NDST4: variants seen among roughly 807,000 people sequenced by gnomAD.
NDST4 encodes the protein N-heparan sulfate sulfotransferase 4.
A neutral mutation model predicts 100.8 loss-of-function variants in NDST4; 63 were observed. The ratio of observed to expected loss-of-function variants is 0.62; its 90% confidence interval spans 0.51 to 0.77. NDST4 has a LOEUF of 0.77. NDST4 is among the 30% of genes least tolerant of loss of function. The probability of loss-of-function intolerance (pLI) is 0.00; values close to 1 mark genes in which losing one functional copy is unlikely to be tolerated. For missense variants in NDST4, 943 were observed against 1,018.4 expected, an observed-to-expected ratio of 0.93 and a Z score of 1.01; for synonymous variants, 377 against 361.8, an observed-to-expected ratio of 1.04 and a Z score of -0.48.
chr4:114,985,530 T>C (rs1726880902), intron 2 of NDST4, among the ~76,000 whole-genome samples: 1 of 152,182 alleles, frequency 6.6e-6, no homozygotes, highest in African/African-American at 2.4e-5. Context: ...TTTTTATTAA[T>C]CCTGTCTTAC....
intron 2 of NDST4, among the ~76,000 whole-genome samples, chr4:114,997,662 C>A (rs959847474): frequency 2.0e-5 from 3 of 152,034 alleles, no homozygotes; most frequent in African/African-American, 7.2e-5. Flanking sequence ...AGGGAAGGAA[C>A]TTTTATTTAT....
chr4:114,881,439 A>G (rs1160921518), intron 6 of NDST4, among the ~76,000 whole-genome samples: 2 of 152,110 alleles, frequency 1.3e-5, no homozygotes, highest in Admixed American at 1.3e-4. Flanking sequence ...TCACCTAAAT[A>G]GAGAACAATA....
chr4:114,878,702 C>T (rs1724306944), intron 6 of NDST4, among the ~76,000 whole-genome samples: 1 of 151,738 alleles, frequency 6.6e-6, no homozygotes, highest in African/African-American at 2.4e-5. Context: ...TGTTGTGATG[C>T]CCAAATGAGT....
intron 12 of NDST4, among the ~76,000 whole-genome samples, chr4:114,833,289 A>C (rs1723239901): frequency 6.6e-6 from 1 of 152,200 alleles, no homozygotes; most frequent in Non-Finnish European, 1.5e-5. Context: ...TATCTTTTTC[A>C]CCTTTGTAAA....
At chr4:114,834,588 G>A (rs1037379515) in intron 11 of NDST4, among the ~76,000 whole-genome samples, 6 of 151,024 alleles carry the variant, frequency 4.0e-5, no homozygotes, top group Non-Finnish European at 8.8e-5. Flanking sequence ...GCTTCAATTT[G>A]CCCTGAGCTG....
At chr4:114,957,901 T>C (rs1726174029) in intron 4 of NDST4, among the ~76,000 whole-genome samples, 1 of 152,166 alleles carries the variant, frequency 6.6e-6, no homozygotes, top group African/African-American at 2.4e-5. Flanking sequence ...AAAAGTGGGT[T>C]CCCATGGTCT....
chr4:115,018,561 A>G (rs546269043), intron 2 of NDST4, among the ~76,000 whole-genome samples: 2 of 152,082 alleles, frequency 1.3e-5, no homozygotes, highest in East Asian at 3.9e-4. Flanking sequence ...TTCTATAACT[A>G]TTATATTCAA....
At position 115,077,149 on chromosome 4, in the gene NDST4, G is replaced by A. The variant is rs186664003; in HGVS notation, c.-113C>T. 9.1e-5 allele frequency: 91 copies of A among 997,556 alleles called. No individual in the cohort carries two copies. The highest frequency in any genetic ancestry group is 6.9e-4 in the South Asian group (40 of 58,086). 61.8% of individuals were successfully genotyped at this position (997,556 alleles called of 1,614,324 possible). On this transcript the variant is annotated 5_prime_UTR_variant, in exon 2 of 14. Coordinates refer to ENST00000264363, the MANE Select transcript of NDST4 (RefSeq NM_022569.3). ...CTTCCCCAGAGTTCATGTAACCATC[G>A]CAAATCATGTAAAATGTTTGAAGGG...
At chr4:114,887,472 T>C (rs752643652) in intron 6 of NDST4, among the ~76,000 whole-genome samples, 4 of 152,188 alleles carry the variant, frequency 2.6e-5, no homozygotes, top group Non-Finnish European at 4.4e-5. Context: ...CATACATCTA[T>C]AAGTTTCAGT....
intron 4 of NDST4, among the ~76,000 whole-genome samples, chr4:114,937,901 G>A (rs894101482): frequency 2.0e-5 from 3 of 151,770 alleles, no homozygotes; most frequent in African/African-American, 4.8e-5. Context: ...CGGGGGGCGG[G>A]TATTGAAGAA....
intron 10 of NDST4, among the ~76,000 whole-genome samples, chr4:114,844,719 A>G (rs900943806): frequency 5.9e-5 from 9 of 152,222 alleles, no homozygotes; most frequent in Non-Finnish European, 1.0e-4. Flanking sequence ...TTAAAACCAC[A>G]GTTAAATGTT....
At chr4:114,979,753 T>TG (rs1425723518) in intron 2 of NDST4, among the ~76,000 whole-genome samples, 1 of 151,290 alleles carries the variant, frequency 6.6e-6, no homozygotes, top group Non-Finnish European at 1.5e-5. Flanking sequence ...TTTTCATTGT[T>TG]GAAAAAAAGA....
intron 2 of NDST4, among the ~76,000 whole-genome samples, chr4:115,029,204 G>C (rs1728054100): frequency 6.6e-6 from 1 of 152,044 alleles, no homozygotes; most frequent in Non-Finnish European, 1.5e-5. Context: ...AACCAGAAAG[G>C]GATGTGAGGT....
At chr4:114,857,424 TCCAGGGG>T (rs1210604141) in intron 7 of NDST4, among the ~76,000 whole-genome samples, 11 of 152,276 alleles carry the variant, frequency 7.2e-5, no homozygotes, top group Middle Eastern at 3.4e-3. Flanking sequence ...GTCAGGCTGA[TCCAGGGG>T]CCACTTACAA....
intron 2 of NDST4, among the ~76,000 whole-genome samples, chr4:114,989,586 A>G (rs1726991074): frequency 6.6e-6 from 1 of 152,152 alleles, no homozygotes; most frequent in South Asian, 2.1e-4. Flanking sequence ...TTTTGAGCAG[A>G]TACATAATAT....
chr4:115,069,576 G>T (rs1348898233), intron 2 of NDST4, among the ~76,000 whole-genome samples: 1 of 152,154 alleles, frequency 6.6e-6, no homozygotes, highest in East Asian at 1.9e-4. Context: ...GATCATTAGA[G>T]AAATGCAAAT....
rs1726393943 is a variant in NDST4 at position 114,966,851 on chromosome 4, G to A, written c.1221+3579C>T. 1.3e-5 allele frequency among the ~76,000 whole-genome samples: 2 copies of A among 152,080 alleles called. 1 individual carries two copies. Among genetic ancestry groups the A allele is most frequent in the South Asian group, 4.1e-4 (2 of 4,834 alleles). On this transcript the variant is annotated intron_variant, in intron 4 of 13. Transcript: ENST00000264363. Reference sequence around the variant, plus strand: ...AGCATTATCTGGTCCAGTGCCTTTGGTTGGCAAATGAGTTGATGTAAATTA... The same window carrying A: ...AGCATTATCTGGTCCAGTGCCTTTGATTGGCAAATGAGTTGATGTAAATTA...
At chr4:115,081,328 A>G (rs985341949) in intron 1 of NDST4, among the ~76,000 whole-genome samples, 2 of 152,168 alleles carry the variant, frequency 1.3e-5, no homozygotes, top group African/African-American at 4.8e-5. Context: ...GGTGGAGATG[A>G]GGAAGCCTGG....
chr4:115,092,911 T>C (rs1323466299), intron 1 of NDST4, among the ~76,000 whole-genome samples: 5 of 152,138 alleles, frequency 3.3e-5, no homozygotes, highest in Admixed American at 1.3e-4. Flanking sequence ...AACAAAAATT[T>C]GCAGATTGAC....
Sources: allele counts gnomAD v4.1 joint callset (sites outside exome capture counted in the v4.1 genomes callset), GRCh38; gene constraint gnomAD v4.1.1; transcripts MANE v1.5; gene names NCBI Gene and HGNC (gene_info 2026-07-23, HGNC 2026-07-21).